The following ANKFN1 variants were observed in gnomAD, a reference collection of about 807,000 sequenced individuals.
ANKFN1 encodes ankyrin repeat and fibronectin type III domain containing 1.
ANKFN1 carries 74 observed loss-of-function variants against 108.7 expected under a neutral mutation model. That is an observed-to-expected ratio of 0.68 (90% CI 0.56 to 0.83). ANKFN1 has a LOEUF of 0.83. Among genes scored for constraint, ANKFN1 ranks in the 40% least tolerant of loss-of-function variants. The pLI is 0.00. For missense variants in ANKFN1, 1,505 were observed against 1,382.3 expected (o/e 1.09, Z -1.41); for synonymous variants, 547 against 516.2 (o/e 1.06, Z -0.81).
intron 3 of ANKFN1, among the ~76,000 whole-genome samples, chr17:56,277,941 C>A (rs551088548): frequency 2.0e-5 from 3 of 152,118 alleles, no homozygotes; most frequent in Non-Finnish European, 4.4e-5. Context: ...TATGACTCTA[C>A]GAATAAGATC....
chr17:56,279,299 T>A (rs930588765), intron 3 of ANKFN1, among the ~76,000 whole-genome samples: 8 of 152,292 alleles, frequency 5.3e-5, no homozygotes, highest in Non-Finnish European at 4.4e-5. Context: ...CAGAGAGAAA[T>A]AATAAATGTT....
At chr17:56,459,100 C>T (rs1380095643) in intron 14 of ANKFN1, among the ~76,000 whole-genome samples, 1 of 152,034 alleles carries the variant, frequency 6.6e-6, no homozygotes, top group Admixed American at 6.5e-5. Context: ...TCAACTCACT[C>T]GGGTTTTTTT....
At chr17:56,180,201 G>C (rs1397546082) in intron 1 of ANKFN1, among the ~76,000 whole-genome samples, 2 of 152,092 alleles carry the variant, frequency 1.3e-5, no homozygotes, top group Non-Finnish European at 2.9e-5. Context: ...TAGTTCACTA[G>C]ACCACATTTT....
At chr17:56,197,114 T>A (rs1913587871) in intron 1 of ANKFN1, among the ~76,000 whole-genome samples, 1 of 152,232 alleles carries the variant, frequency 6.6e-6, no homozygotes, top group African/African-American at 2.4e-5. Context: ...TTTCGAATAT[T>A]AGGTTTCATT....
intron 2 of ANKFN1, among the ~76,000 whole-genome samples, chr17:56,224,488 G>T (rs1174339147): frequency 6.6e-6 from 1 of 152,108 alleles, no homozygotes; most frequent in African/African-American, 2.4e-5. Flanking sequence ...TACTCCATAG[G>T]TTACATTATA....
At chr17:56,112,081 C>CA (rs1181712886) in intron 4 of ANKFN1, among the ~76,000 whole-genome samples, 1 of 152,118 alleles carries the variant, frequency 6.6e-6, no homozygotes, top group East Asian at 1.9e-4. Flanking sequence ...GCTTTATTGA[C>CA]AAAAAATTGT....
intron 19 of ANKFN1, among the ~76,000 whole-genome samples, chr17:56,497,129 T>G (rs939187782): frequency 2.0e-5 from 3 of 152,238 alleles, no homozygotes; most frequent in East Asian, 3.9e-4. Context: ...TCAACAAGCT[T>G]ATGTTGCATG....
chr17:56,200,522 C>A (rs1221403282), intron 1 of ANKFN1, among the ~76,000 whole-genome samples: 2 of 152,186 alleles, frequency 1.3e-5, no homozygotes, highest in East Asian at 3.8e-4. Context: ...ACATCTAATG[C>A]AGATAAAAGA....
At chr17:56,373,764 A>G (rs1339409232) in intron 7 of ANKFN1, among the ~76,000 whole-genome samples, 1 of 152,252 alleles carries the variant, frequency 6.6e-6, no homozygotes, top group Non-Finnish European at 1.5e-5. Flanking sequence ...AGGCTGGTGC[A>G]TGGGTTTGTT....
chr17:56,249,246 C>A (rs2043182845), intron 3 of ANKFN1, among the ~76,000 whole-genome samples: 1 of 151,944 alleles, frequency 6.6e-6, no homozygotes, highest in African/African-American at 2.4e-5. Flanking sequence ...ACCAGCCTGG[C>A]AACATGGTGA....
chr17:56,188,571 G>GTATATA, intron 1 of ANKFN1, among the ~76,000 whole-genome samples: 1 of 99,494 alleles, frequency 1.0e-5, no homozygotes, highest in South Asian at 2.9e-4. Flanking sequence ...GTATGTGTGT[G>GTATATA]TGTGTGTGTG....
intron 2 of ANKFN1, among the ~76,000 whole-genome samples, chr17:56,222,842 A>G (rs1598265946): frequency 1.3e-5 from 2 of 152,350 alleles, no homozygotes; most frequent in South Asian, 4.1e-4. Context: ...ACCCTAGTAT[A>G]AAGTACTTGC....
At chr17:56,111,228 C>A (rs1319025933) in intron 4 of ANKFN1, among the ~76,000 whole-genome samples, 1 of 152,220 alleles carries the variant, frequency 6.6e-6, no homozygotes, top group Non-Finnish European at 1.5e-5. Context: ...GGGGCCCATT[C>A]ACACCCATGT....
intron 4 of ANKFN1, among the ~76,000 whole-genome samples, chr17:56,137,498 G>T (rs983368186): frequency 6.6e-6 from 1 of 152,156 alleles, no homozygotes; most frequent in African/African-American, 2.4e-5. Context: ...ACAGTGGCTT[G>T]TGGCTAGTCC....
At chr17:56,495,113 T>G (rs904927794) in intron 19 of ANKFN1, among the ~76,000 whole-genome samples, 6 of 152,114 alleles carry the variant, frequency 3.9e-5, no homozygotes, top group Admixed American at 3.9e-4. Context: ...CATACTTCCC[T>G]TCCAGTCAGC....
intron 3 of ANKFN1, among the ~76,000 whole-genome samples, chr17:56,306,525 G>A (rs1024833573): frequency 6.6e-5 from 10 of 152,182 alleles, no homozygotes; most frequent in East Asian, 3.8e-4. Context: ...TACAAGGGAC[G>A]TGAAGGACCT....
At chr17:56,170,801 T>TACACACACACACAC (rs1224594065) in intron 1 of ANKFN1, among the ~76,000 whole-genome samples, 21 of 64,234 alleles carry the variant, frequency 3.3e-4, no homozygotes, top group South Asian at 1.6e-3. Context: ...TATATATATA[T>TACACACACACACAC]ATATATACAC....
Position 56,510,728 on chromosome 17 carries a change from C to G in ANKFN1, c.2900C>G (p.Ala967Gly), listed in dbSNP as rs2051724349. The change falls in exon 21 of 21, where the codon GCC (alanine) becomes GGC (glycine). Residue 967 changes from alanine to glycine, a missense_variant. Ala to Gly is a moderately conservative substitution (Grantham distance 60). Coordinates refer to ENST00000682825, the MANE Select transcript of ANKFN1 (RefSeq NM_001370326.1). Reference protein sequence around the residue: ...GEGPNPDHSCAEFLHSLTLTG... With the variant: ...GEGPNPDHSCGEFLHSLTLTG... ...GGCCCAAATCCCGATCACTCATGTG[C>G]CGAGTTTCTCCATAGCCTGACCCTC... 1 of 1,536,170 alleles carries G rather than the reference C, an allele frequency of 6.5e-7. No homozygotes were observed. Among genetic ancestry groups the G allele is most frequent in the Admixed American group, 2.0e-5 (1 of 51,006 alleles).
intron 15 of ANKFN1, among the ~76,000 whole-genome samples, chr17:56,468,663 G>A (rs567175618): frequency 1.7e-4 from 26 of 152,104 alleles, no homozygotes; most frequent in Non-Finnish European, 3.2e-4. Context: ...TTCATTCCCC[G>A]CCAAGGGGTG....
Sources: gnomAD v4.1 joint callset for allele counts (sites outside exome capture counted in the v4.1 genomes callset) on GRCh38, gnomAD v4.1.1 for gene constraint, MANE v1.5 for transcripts, NCBI Gene and HGNC (gene_info 2026-07-23, HGNC 2026-07-21) for gene names.